The following NRG3 variants were observed in gnomAD, a reference collection of about 807,000 sequenced individuals.
NRG3 encodes the protein pro-neuregulin-3, membrane-bound isoform.
NRG3 carries 31 observed loss-of-function variants against 66.9 expected under a neutral mutation model. The ratio of observed to expected loss-of-function variants is 0.46; its 90% CI spans 0.35 to 0.63. The LOEUF (loss-of-function observed/expected upper bound fraction) is 0.63, where lower values mean the gene tolerates loss of function less well. NRG3 is among the 20% of genes least tolerant of loss of function. NRG3 has a pLI of 0.00. For synonymous variants in NRG3, 393 were observed against 359.4 expected (o/e 1.09, Z -1.06); for missense variants, 910 against 878.9 (o/e 1.04, Z -0.45).
intron 1 of NRG3, among the ~76,000 whole-genome samples, chr10:82,284,447 C>G (rs972531727): frequency 6.6e-6 from 1 of 152,180 alleles, no homozygotes; most frequent in African/African-American, 2.4e-5. Flanking sequence ...ATGGGTTAAA[C>G]TGGACTATCT....
intron 1 of NRG3, among the ~76,000 whole-genome samples, chr10:81,975,993 C>A (rs2060110697): frequency 6.6e-6 from 1 of 152,118 alleles, no homozygotes; most frequent in Non-Finnish European, 1.5e-5. Flanking sequence ...GAAACAGAAT[C>A]TTTTCTTGAG....
At chr10:82,246,851 C>G (rs1261579237) in intron 1 of NRG3, among the ~76,000 whole-genome samples, 4 of 151,974 alleles carry the variant, frequency 2.6e-5, no homozygotes, top group Admixed American at 2.6e-4. Context: ...TGGCCTTGAG[C>G]AAGGAAATAC....
chr10:82,665,612 T>G (rs1043563484), intron 2 of NRG3, among the ~76,000 whole-genome samples: 1 of 152,126 alleles, frequency 6.6e-6, no homozygotes, highest in East Asian at 1.9e-4. Context: ...AGTCCTTTGA[T>G]CCCTCTTTTT....
intron 1 of NRG3, among the ~76,000 whole-genome samples, chr10:81,997,601 CG>C: frequency 6.6e-6 from 1 of 152,078 alleles, no homozygotes; most frequent in South Asian, 2.1e-4. Context: ...CCTAATATCT[CG>C]GAGGCTCCGT....
chr10:82,968,741 G>T (rs1481774777), intron 6 of NRG3, among the ~76,000 whole-genome samples: 2 of 152,130 alleles, frequency 1.3e-5, no homozygotes, highest in Non-Finnish European at 2.9e-5. Context: ...AGATCTGCAT[G>T]CTCCAGAAAT....
chr10:81,922,752 A>G (rs1238791726), intron 1 of NRG3, among the ~76,000 whole-genome samples: 1 of 152,080 alleles, frequency 6.6e-6, no homozygotes, highest in African/African-American at 2.4e-5. Context: ...AAATATTTGA[A>G]AGAATTTACG....
chr10:82,689,529 C>T (rs1406692947), intron 2 of NRG3, among the ~76,000 whole-genome samples: 2 of 152,096 alleles, frequency 1.3e-5, no homozygotes, highest in East Asian at 1.9e-4. Context: ...CTACTAAAGC[C>T]CCAGTAGCAG....
At chr10:82,655,248 T>C (rs770496716) in intron 2 of NRG3, among the ~76,000 whole-genome samples, 4 of 152,046 alleles carry the variant, frequency 2.6e-5, no homozygotes, top group Non-Finnish European at 5.9e-5. Flanking sequence ...AAAAATATTC[T>C]ACAGTAAAAA....
chr10:82,064,052 T>C (rs986366899), intron 1 of NRG3, among the ~76,000 whole-genome samples: 1 of 152,122 alleles, frequency 6.6e-6, no homozygotes, highest in African/African-American at 2.4e-5. Context: ...TTGTACCTCA[T>C]GTCAACATGA....
chr10:82,307,237 A>G (rs956326638), intron 1 of NRG3, among the ~76,000 whole-genome samples: 2 of 152,126 alleles, frequency 1.3e-5, no homozygotes, highest in Admixed American at 6.6e-5. Context: ...TGTCAATATG[A>G]TCTATCTTAT....
intron 2 of NRG3, among the ~76,000 whole-genome samples, chr10:82,613,648 A>G (rs2048451050): frequency 6.6e-6 from 1 of 151,880 alleles, no homozygotes; most frequent in African/African-American, 2.4e-5. Context: ...TAGTTTAACT[A>G]TAAACATATT....
intron 1 of NRG3, among the ~76,000 whole-genome samples, chr10:82,131,131 A>G (rs1027553660): frequency 6.6e-6 from 1 of 152,146 alleles, no homozygotes; most frequent in African/African-American, 2.4e-5. Flanking sequence ...CAAATATCCT[A>G]GAAAGTATCC....
At chr10:82,326,913 A>G (rs2081901955) in intron 1 of NRG3, among the ~76,000 whole-genome samples, 1 of 152,228 alleles carries the variant, frequency 6.6e-6, no homozygotes. Context: ...CTATGTCAAA[A>G]AAAGATTGTT....
intron 2 of NRG3, among the ~76,000 whole-genome samples, chr10:82,674,364 G>T (rs2053515435): frequency 2.0e-5 from 3 of 152,072 alleles, no homozygotes; most frequent in Admixed American, 2.0e-4. Flanking sequence ...ATGGCTCTCA[G>T]TTGTCAGGGT....
intron 1 of NRG3, among the ~76,000 whole-genome samples, chr10:82,144,497 T>C (rs2070094251): frequency 6.6e-6 from 1 of 152,138 alleles, no homozygotes; most frequent in Non-Finnish European, 1.5e-5. Flanking sequence ...TCCTCAATAT[T>C]TGTGGCAATT....
chr10:82,236,142 A>G (rs2076742345), intron 1 of NRG3, among the ~76,000 whole-genome samples: 1 of 140,180 alleles, frequency 7.1e-6, no homozygotes, highest in Non-Finnish European at 1.6e-5. Context: ...TAACTCTGTC[A>G]TTTATTGAGG....
chr10:82,175,257 A>G (rs1266938629), intron 1 of NRG3, among the ~76,000 whole-genome samples: 1 of 152,146 alleles, frequency 6.6e-6, no homozygotes, highest in African/African-American at 2.4e-5. Context: ...TCCTGTGATC[A>G]GCCTCTCTGA....
At chr10:81,991,243 A>T (rs1324091730) in intron 1 of NRG3, among the ~76,000 whole-genome samples, 1 of 152,136 alleles carries the variant, frequency 6.6e-6, no homozygotes, top group Non-Finnish European at 1.5e-5. Context: ...TGGATGCATT[A>T]TTATATTTTG....
intron 3 of NRG3, among the ~76,000 whole-genome samples, chr10:82,771,949 A>G (rs894716999): frequency 2.6e-5 from 4 of 152,052 alleles, no homozygotes; most frequent in Admixed American, 6.6e-5. Flanking sequence ...TGCTTTATTT[A>G]TTCTTCATCT....
Sources: gnomAD v4.1 joint callset for allele counts (sites outside exome capture counted in the v4.1 genomes callset) on GRCh38, gnomAD v4.1.1 for gene constraint, MANE v1.5 for transcripts, NCBI Gene and HGNC (gene_info 2026-07-23, HGNC 2026-07-21) for gene names.